Variants in SV2C observed in about 807,000 individuals in gnomAD.
The protein encoded by SV2C is solute carrier family 22 member B3.
In SV2C, 49 loss-of-function variants were observed where a neutral mutation model predicts 79.7. The ratio of observed to expected loss-of-function variants is 0.61; its 90% CI spans 0.49 to 0.78. The LOEUF is 0.78. Ranked by LOEUF, SV2C falls within the 30% of genes least tolerant of loss-of-function variation. The pLI, the probability that SV2C is intolerant of heterozygous loss-of-function variation, is 0.00. For missense variants in SV2C, 833 were observed against 912.9 expected (o/e 0.91, Z 1.13); for synonymous variants, 334 against 333.2 (o/e 1.00, Z -0.03).
At chr5:76,197,834 A>G (rs1431138203) in intron 3 of SV2C, among the ~76,000 whole-genome samples, 2 of 152,142 alleles carry the variant, frequency 1.3e-5, no homozygotes, top group African/African-American at 4.8e-5. Flanking sequence ...GGATGCCAGT[A>G]GCATGGCTCA....
rs1749526310 is a variant in SV2C at position 76,345,759 on chromosome 5, G to A, written c.2001-7371G>A. On this transcript the variant is annotated intron_variant, in intron 12 of 12. Coordinates refer to the SV2C transcript ENST00000322285. ...TCATTTCATCCTCCCAGGAACCCTA[G>A]CTGGGAGCACTTCTGTTTACAGAAG... is the stretch of plus-strand genomic sequence containing the variant. Among the ~76,000 whole-genome samples the A allele has an allele frequency of 2.0e-5, 3 of 152,160 alleles. 1 individual carries two copies. In the South Asian group the frequency reaches 6.2e-4, roughly 31 times the overall value.
At chr5:75,896,309 C>T in the SV2C span, among the ~76,000 whole-genome samples, 16 of 149,998 alleles carry the variant, frequency 1.1e-4, no homozygotes, top group South Asian at 6.3e-4. Flanking sequence ...TGAGAACATG[C>T]GGTGTTTGGT....
chr5:76,338,741 T>A (rs547807337), downstream of SV2C, among the ~76,000 whole-genome samples: 1 of 149,200 alleles, frequency 6.7e-6, no homozygotes, highest in African/African-American at 2.5e-5. Flanking sequence ...CACTGCAACC[T>A]CCACCTCCTG....
intron 4 of SV2C, among the ~76,000 whole-genome samples, chr5:76,230,956 A>G (rs1224799504): frequency 1.3e-5 from 2 of 152,218 alleles, no homozygotes; most frequent in African/African-American, 4.8e-5. Flanking sequence ...GAAAATGTTT[A>G]TTTAATTCTA....
chr5:75,895,860 C>G, the SV2C span, among the ~76,000 whole-genome samples: 1 of 152,066 alleles, frequency 6.6e-6, no homozygotes, highest in East Asian at 1.9e-4. Flanking sequence ...GAGAATGCTT[C>G]AGAATTGAAA....
At chr5:75,877,705 A>G in the SV2C span, among the ~76,000 whole-genome samples, 1 of 152,046 alleles carries the variant, frequency 6.6e-6, no homozygotes, top group Non-Finnish European at 1.5e-5. Context: ...AAGGAGAATA[A>G]GACATGGGGT....
the SV2C span, among the ~76,000 whole-genome samples, chr5:75,974,950 C>A: frequency 1.1e-3 from 171 of 152,242 alleles, 7 homozygotes; most frequent in South Asian, 0.035. Flanking sequence ...AGGCAAGCAA[C>A]AGAGGCAAGA....
Position 76,257,709 on chromosome 5 carries a change from G to C in SV2C, c.914-27453G>C, listed in dbSNP as rs542260218. 3.6e-4 allele frequency among the ~76,000 whole-genome samples: 54 copies of C among 150,556 alleles called. 1 individual carries two copies. The South Asian group carries it at 5.9e-3, about 16-fold the overall frequency. ...TGTGGTATGTATAGGTGTGTAGGTA[G>C]GTGTATGTGTGTGTATGAGTGTGTA... On this transcript the variant is annotated intron_variant, in intron 4 of 12. Coordinates refer to ENST00000502798, the MANE Select transcript of SV2C (RefSeq NM_014979.4).
intron 2 of SV2C, among the ~76,000 whole-genome samples, chr5:76,138,946 A>G (rs548315421): frequency 1.2e-4 from 19 of 152,236 alleles, no homozygotes; most frequent in African/African-American, 4.3e-4. Flanking sequence ...GTGAAACCCC[A>G]TCTCTACTAA....
At chr5:76,035,036 A>T in the SV2C span, among the ~76,000 whole-genome samples, 73 of 152,202 alleles carry the variant, frequency 4.8e-4, no homozygotes, top group African/African-American at 1.6e-3. Flanking sequence ...TTATTTGCGT[A>T]GAGGTGTTTG....
At chr5:75,977,727 C>A in the SV2C span, among the ~76,000 whole-genome samples, 2 of 152,144 alleles carry the variant, frequency 1.3e-5, no homozygotes, top group Admixed American at 1.3e-4. Flanking sequence ...ACATGCACAG[C>A]CTTCGTGCCT....
chr5:75,992,869 A>G, the SV2C span, among the ~76,000 whole-genome samples: 1 of 152,066 alleles, frequency 6.6e-6, no homozygotes, highest in Non-Finnish European at 1.5e-5. Flanking sequence ...GCAGAGGAAC[A>G]AATCAAACTT....
intron 12 of SV2C, among the ~76,000 whole-genome samples, chr5:76,341,206 C>T (rs933887669): frequency 6.6e-6 from 1 of 152,058 alleles, no homozygotes; most frequent in Non-Finnish European, 1.5e-5. Context: ...GCTGGGATTA[C>T]AGATGTGAGC....
the SV2C span, among the ~76,000 whole-genome samples, chr5:76,061,614 T>C: frequency 6.6e-6 from 1 of 152,082 alleles, no homozygotes; most frequent in African/African-American, 2.4e-5. Flanking sequence ...AAGAATTATA[T>C]CTAAGTGTGT....
chr5:76,279,856 G>A (rs1315190567), intron 4 of SV2C, among the ~76,000 whole-genome samples: 2 of 152,140 alleles, frequency 1.3e-5, no homozygotes, highest in Non-Finnish European at 2.9e-5. Context: ...GGTTGGAGAG[G>A]AGGAACAGAT....
the SV2C span, among the ~76,000 whole-genome samples, chr5:76,024,038 A>G: frequency 3.3e-5 from 5 of 152,126 alleles, no homozygotes; most frequent in South Asian, 1.0e-3. Flanking sequence ...GCTGAGAATC[A>G]CTGATAGAGA....
rs939516132 is a variant in SV2C, at chr5:76,198,088, A to C, written c.761+2989A>C. On this transcript the variant is annotated intron_variant, in intron 3 of 12. Coordinates refer to ENST00000502798, the MANE Select transcript of SV2C (RefSeq NM_014979.4). ...ACAACCGATTGGATGGTGCCCACCC[A>C]CCCCTGAGGGCAGAACTTCTCCACT... is the stretch of plus-strand genomic sequence containing the variant. Among the ~76,000 whole-genome samples the C allele has an allele frequency of 3.3e-5, 5 of 152,036 alleles. No individual in the cohort carries two copies. In the South Asian group the frequency reaches 1.0e-3, roughly 32 times the overall value.
chr5:75,989,155 T>C, the SV2C span, among the ~76,000 whole-genome samples: 1 of 151,968 alleles, frequency 6.6e-6, no homozygotes, highest in Non-Finnish European at 1.5e-5. Context: ...TCCTTTTTTA[T>C]TTTAAGTTCA....
At chr5:76,271,250 C>T (rs1346355760) in intron 4 of SV2C, among the ~76,000 whole-genome samples, 17 of 152,150 alleles carry the variant, frequency 1.1e-4, no homozygotes, top group African/African-American at 2.7e-4. Context: ...CCTTAACATA[C>T]GCTCTGCCAA....
Sources: gnomAD v4.1 joint callset for allele counts (sites outside exome capture counted in the v4.1 genomes callset) on GRCh38, gnomAD v4.1.1 for gene constraint, MANE v1.5 for transcripts, NCBI Gene and HGNC (gene_info 2026-07-23, HGNC 2026-07-21) for gene names.